DNER: variants seen among roughly 807,000 people sequenced by gnomAD.
The protein encoded by DNER is delta/notch like EGF repeat containing.
A neutral mutation model predicts 78.2 loss-of-function variants in DNER; 33 were observed. That is an observed-to-expected ratio of 0.42 (90% CI 0.32 to 0.56). The LOEUF is 0.56. DNER is among the 20% of genes least tolerant of loss of function. The probability of loss-of-function intolerance (pLI) is 0.11; values close to 1 mark genes in which losing one functional copy is unlikely to be tolerated. For missense variants in DNER, 918 were observed against 975.3 expected, an observed-to-expected ratio of 0.94 and a Z score of 0.78; for synonymous variants, 417 against 384.8, an observed-to-expected ratio of 1.08 and a Z score of -0.98.
At chr2:229,628,737 G>A (rs970434171) in intron 1 of DNER, among the ~76,000 whole-genome samples, 1 of 152,102 alleles carries the variant, frequency 6.6e-6, no homozygotes, top group Non-Finnish European at 1.5e-5. Flanking sequence ...GCTTCCTGAG[G>A]CAGTGTCTAA....
intron 1 of DNER, among the ~76,000 whole-genome samples, chr2:229,685,517 A>G (rs1699470054): frequency 1.3e-5 from 2 of 152,230 alleles, no homozygotes; most frequent in African/African-American, 2.4e-5. Context: ...TGCCCATCCT[A>G]TAGTCCCTGC....
chr2:229,457,330 T>G (rs1694597560), intron 7 of DNER, among the ~76,000 whole-genome samples: 1 of 152,076 alleles, frequency 6.6e-6, no homozygotes, highest in African/African-American at 2.4e-5. Context: ...TGAATTATGA[T>G]GTTGTAACGT....
intron 4 of DNER, 88 bp downstream of exon 4, chr2:229,585,770 A>G: frequency 7.0e-7 from 1 of 1,431,936 alleles, no homozygotes; most frequent in East Asian, 2.3e-5. Flanking sequence ...AGATTATCTG[A>G]GCAAAATTCC....
chr2:229,492,757 C>T (rs776836658), intron 6 of DNER, among the ~76,000 whole-genome samples: 4 of 152,198 alleles, frequency 2.6e-5, no homozygotes, highest in Admixed American at 1.3e-4. Context: ...CAGCCTCAAA[C>T]ACCTGGGTTC....
intron 12 of DNER, among the ~76,000 whole-genome samples, chr2:229,360,936 G>A (rs4973191): frequency 0.15 from 22,738 of 152,192 alleles, 2,349 homozygotes; most frequent in East Asian, 0.52. Context: ...AGCACCAGAA[G>A]AGAGAGCAGG....
chr2:229,511,071 G>A (rs985357055), intron 6 of DNER, among the ~76,000 whole-genome samples: 1 of 152,142 alleles, frequency 6.6e-6, no homozygotes, highest in Non-Finnish European at 1.5e-5. Flanking sequence ...GTTTAGGTGG[G>A]AATAGATAAG....
rs1237041513 is a variant in DNER at position 229,388,036 on chromosome 2, T to C, written c.1855+229A>G. On this transcript the variant is annotated intron_variant, in intron 11 of 12. Coordinates refer to ENST00000341772, the MANE Select transcript of DNER (RefSeq NM_139072.4). ...TCCTGGGGAAAGGCTGGCTTCAGACTCAGGAGGGAGTGGGGGCAGCAGAAT... is the reference window on the plus strand; with the variant it reads ...TCCTGGGGAAAGGCTGGCTTCAGACCCAGGAGGGAGTGGGGGCAGCAGAAT... Among the ~76,000 whole-genome samples the C allele has an allele frequency of 2.0e-5, 3 of 151,996 alleles. No individual in the cohort carries two copies. The East Asian group carries it at 5.8e-4, about 29-fold the overall frequency.
intron 5 of DNER, among the ~76,000 whole-genome samples, 157 bp downstream of exon 5, chr2:229,546,790 T>C (rs1056534300): frequency 2.1e-5 from 3 of 142,222 alleles, no homozygotes; most frequent in Middle Eastern, 3.7e-3. Context: ...GATAGACAGA[T>C]AGATAGATAG....
chr2:229,477,744 A>G (rs1695066758), intron 6 of DNER, among the ~76,000 whole-genome samples: 1 of 152,234 alleles, frequency 6.6e-6, no homozygotes, highest in Admixed American at 6.5e-5. Context: ...CACCTGTGTT[A>G]ATTCTGTGAC....
At chr2:229,371,953 T>C (rs1428076880) in intron 11 of DNER, among the ~76,000 whole-genome samples, 1 of 152,214 alleles carries the variant, frequency 6.6e-6, no homozygotes, top group Non-Finnish European at 1.5e-5. Context: ...GGATGTCAAA[T>C]TACTTTGTTT....
chr2:229,519,913 C>A (rs1044193405), intron 5 of DNER, among the ~76,000 whole-genome samples: 1 of 152,134 alleles, frequency 6.6e-6, no homozygotes. Flanking sequence ...ATTCTAAGTT[C>A]CTGTAATCTG....
At chr2:229,456,200 G>A (rs145647730) in intron 7 of DNER, among the ~76,000 whole-genome samples, 1,889 of 151,954 alleles carry the variant, frequency 0.012, 37 homozygotes, top group Non-Finnish European at 0.013. Flanking sequence ...GAAAGCTGGC[G>A]TATCACAGGG....
At chr2:229,511,565 T>G (rs1266854270) in intron 6 of DNER, among the ~76,000 whole-genome samples, 1 of 152,182 alleles carries the variant, frequency 6.6e-6, no homozygotes, top group African/African-American at 2.4e-5. Context: ...AAACTTCCCA[T>G]TGTGGAGAAC....
At chr2:229,664,174 T>C (rs1699053036) in intron 1 of DNER, among the ~76,000 whole-genome samples, 1 of 152,226 alleles carries the variant, frequency 6.6e-6, no homozygotes. Flanking sequence ...AAGATTTCTG[T>C]TCAATGCTGA....
chr2:229,565,731 C>T (rs928397746), intron 4 of DNER, among the ~76,000 whole-genome samples: 2 of 152,142 alleles, frequency 1.3e-5, no homozygotes, highest in African/African-American at 4.8e-5. Flanking sequence ...CATAATAGGA[C>T]ACCTTTTTAA....
intron 1 of DNER, among the ~76,000 whole-genome samples, chr2:229,690,096 T>C (rs1269450422): frequency 1.3e-5 from 2 of 152,246 alleles, no homozygotes; most frequent in African/African-American, 2.4e-5. Context: ...CAACCCCTAG[T>C]AGTCCGCAGG....
intron 5 of DNER, among the ~76,000 whole-genome samples, chr2:229,525,414 G>A (rs913387109): frequency 1.3e-5 from 2 of 152,046 alleles, no homozygotes; most frequent in African/African-American, 2.4e-5. Context: ...GTGAATGCCA[G>A]CTTTACAGCC....
At chr2:229,612,300 G>T (rs992797991) in intron 1 of DNER, among the ~76,000 whole-genome samples, 15 of 152,160 alleles carry the variant, frequency 9.9e-5, no homozygotes, top group African/African-American at 3.1e-4. Context: ...GGCCAGAAAG[G>T]CTTCAACTGA....
chr2:229,672,185 G>A (rs1217181487), intron 1 of DNER, among the ~76,000 whole-genome samples: 1 of 152,166 alleles, frequency 6.6e-6, no homozygotes, highest in Admixed American at 6.5e-5. Flanking sequence ...TGGCAGCACG[G>A]CGGCCAAGGC....
Sources: gnomAD v4.1 joint callset for allele counts (sites outside exome capture counted in the v4.1 genomes callset) on GRCh38, gnomAD v4.1.1 for gene constraint, MANE v1.5 for transcripts, NCBI Gene and HGNC (gene_info 2026-07-23, HGNC 2026-07-21) for gene names.